The following DLG2 variants were observed in gnomAD, a reference collection of about 807,000 sequenced individuals.
DLG2 encodes disks large homolog 2.
Under a neutral mutation model 132.5 loss-of-function variants are expected in DLG2, and 45 were observed. That is an observed-to-expected ratio of 0.34 (90% CI 0.27 to 0.44). The LOEUF (loss-of-function observed/expected upper bound fraction) is 0.44, where lower values mean the gene tolerates loss of function less well. DLG2 is among the 20% of genes least tolerant of loss of function. The probability of loss-of-function intolerance (pLI) is 1.00; values close to 1 mark genes in which losing one functional copy is unlikely to be tolerated. For synonymous variants in DLG2, 424 were observed against 419.6 expected, an observed-to-expected ratio of 1.01 and a Z score of -0.13; for missense variants, 1,045 against 1,196.9, an observed-to-expected ratio of 0.87 and a Z score of 1.87.
At chr11:84,983,754 A>G (rs678730) in intron 6 of DLG2, among the ~76,000 whole-genome samples, 1 of 152,212 alleles carries the variant, frequency 6.6e-6, no homozygotes, top group Admixed American at 6.5e-5. Context: ...AAATAATACA[A>G]GAAGTGAAGG....
chr11:84,898,402 A>C (rs1159239201), intron 6 of DLG2, among the ~76,000 whole-genome samples: 2 of 151,838 alleles, frequency 1.3e-5, no homozygotes, highest in Non-Finnish European at 2.9e-5. Flanking sequence ...CCATCCTATC[A>C]ATCTCCTTCC....
At chr11:84,356,151 T>G (rs1405643118) in intron 7 of DLG2, among the ~76,000 whole-genome samples, 1 of 152,096 alleles carries the variant, frequency 6.6e-6, no homozygotes, top group African/African-American at 2.4e-5. Flanking sequence ...TTTTGTTTGT[T>G]TTTGGTTTTG....
chr11:85,346,903 G>C (rs556407728), intron 3 of DLG2, among the ~76,000 whole-genome samples: 1 of 152,150 alleles, frequency 6.6e-6, no homozygotes, highest in East Asian at 1.9e-4. Context: ...TTGTAGAATG[G>C]GGTTGTAGGC....
chr11:84,098,052 T>TTG (rs59428675), intron 10 of DLG2, among the ~76,000 whole-genome samples: 43 of 150,080 alleles, frequency 2.9e-4, no homozygotes, highest in Admixed American at 5.3e-4. Flanking sequence ...TTTTTTTTTT[T>TTG]CTTTTTTGCT....
rs1440658821 is a variant in DLG2 at position 83,668,869 on chromosome 11, T to TA, written c.1826-35545_1826-35544insT. Among the ~76,000 whole-genome samples, 100 of 128,402 alleles carry TA rather than the reference T, an allele frequency of 7.8e-4. 6 individuals are homozygous for TA. The highest frequency in any genetic ancestry group is 1.9e-3 in the African/African-American group (50 of 26,708). The allele number at this position is 128,402 out of a possible 152,430, so 84.2% of individuals were successfully genotyped here. On this transcript the variant is annotated intron_variant, in intron 18 of 27. Coordinates refer to ENST00000376104, the MANE Select transcript of DLG2 (RefSeq NM_001142699.3). ...CACACACATATATATATATATATAT[T>TA]TTTTTTTTATGATAGACTATGAGCT...
intron 7 of DLG2, among the ~76,000 whole-genome samples, chr11:84,431,222 A>G (rs2098983709): frequency 6.6e-6 from 1 of 152,192 alleles, no homozygotes; most frequent in Admixed American, 6.5e-5. Flanking sequence ...ATATACACAC[A>G]CAATATATAG....
intron 3 of DLG2, among the ~76,000 whole-genome samples, chr11:85,308,126 C>T (rs772248241): frequency 8.5e-5 from 12 of 141,286 alleles, no homozygotes; most frequent in Non-Finnish European, 1.8e-4. Flanking sequence ...TGCACTCCAG[C>T]CTGGGTGACA....
rs568662640 is a variant in DLG2 at position 85,400,496 on chromosome 11, G to A, written c.41-115131C>T. On this transcript the variant is annotated intron_variant, in intron 3 of 27. Transcript: ENST00000376104. The stretch of plus-strand genomic sequence containing the variant: ...ACACATGCACACGTATGTTTATTGC[G>A]GCATTATTCACAATAGCAAAGACTT... Among the ~76,000 whole-genome samples the A allele has an allele frequency of 8.4e-3, 1,249 of 149,116 alleles. 14 individuals carry two copies. Among genetic ancestry groups the A allele is most frequent in the African/African-American group, 0.028 (1,123 of 40,152 alleles).
intron 3 of DLG2, among the ~76,000 whole-genome samples, chr11:85,436,822 T>C (rs1453119376): frequency 6.6e-6 from 1 of 152,168 alleles, no homozygotes; most frequent in Non-Finnish European, 1.5e-5. Flanking sequence ...CAAAGAAATA[T>C]AGATTATTCT....
chr11:85,038,304 AT>A (rs1214209677), intron 6 of DLG2, among the ~76,000 whole-genome samples: 1 of 151,856 alleles, frequency 6.6e-6, no homozygotes, highest in African/African-American at 2.4e-5. Context: ...ACTTAATCCC[AT>A]TTTTTTTCAC....
At chr11:84,744,418 G>A (rs2065092424) in intron 6 of DLG2, among the ~76,000 whole-genome samples, 1 of 152,058 alleles carries the variant, frequency 6.6e-6, no homozygotes, top group African/African-American at 2.4e-5. Flanking sequence ...GCAAATTTCT[G>A]CATGAAAGAA....
intron 7 of DLG2, among the ~76,000 whole-genome samples, chr11:84,459,306 T>C (rs1044065385): frequency 6.6e-6 from 1 of 150,792 alleles, no homozygotes; most frequent in Non-Finnish European, 1.5e-5. Context: ...AATTGTTGTA[T>C]CTTTGTAATG....
chr11:83,877,672 T>A (rs956249411), intron 15 of DLG2, among the ~76,000 whole-genome samples: 1 of 152,318 alleles, frequency 6.6e-6, no homozygotes, highest in Non-Finnish European at 1.5e-5. Context: ...GCATGTAGAT[T>A]TGGAACAAAC....
At chr11:84,009,229 A>T (rs1466046815) in intron 11 of DLG2, among the ~76,000 whole-genome samples, 2 of 151,920 alleles carry the variant, frequency 1.3e-5, no homozygotes, top group African/African-American at 4.8e-5. Context: ...GAAGTTTCGA[A>T]ATGTTAAGAT....
intron 7 of DLG2, among the ~76,000 whole-genome samples, chr11:84,312,289 T>C (rs1325979964): frequency 6.6e-6 from 1 of 152,016 alleles, no homozygotes; most frequent in East Asian, 1.9e-4. Context: ...GCCAATATGG[T>C]GAAACCCCAT....
At chr11:84,110,331 A>G (rs2154191684) in intron 9 of DLG2, among the ~76,000 whole-genome samples, 2 of 152,276 alleles carry the variant, frequency 1.3e-5, no homozygotes, top group Middle Eastern at 6.8e-3. Context: ...TTACTGGATG[A>G]TTGTCTTACC....
intron 7 of DLG2, among the ~76,000 whole-genome samples, chr11:84,339,295 CA>C (rs1169463124): frequency 6.6e-6 from 1 of 152,096 alleles, no homozygotes; most frequent in African/African-American, 2.4e-5. Flanking sequence ...ATTAATGTGC[CA>C]GCAACTATTA....
chr11:85,396,173 T>A (rs767741344), intron 3 of DLG2, among the ~76,000 whole-genome samples: 5 of 152,086 alleles, frequency 3.3e-5, no homozygotes, highest in Non-Finnish European at 5.9e-5. Context: ...GACCTGCAGC[T>A]GAGGGGTCTG....
chr11:85,513,443 C>G (rs2094116504), intron 3 of DLG2, among the ~76,000 whole-genome samples: 2 of 151,912 alleles, frequency 1.3e-5, no homozygotes, highest in Non-Finnish European at 2.9e-5. Flanking sequence ...CTTCAAGAGA[C>G]AAATTGAGAT....
Sources: allele counts gnomAD v4.1 joint callset (sites outside exome capture counted in the v4.1 genomes callset), GRCh38; gene constraint gnomAD v4.1.1; transcripts MANE v1.5; gene names NCBI Gene and HGNC (gene_info 2026-07-23, HGNC 2026-07-21).